The following PHF24 variants were observed in gnomAD, a reference collection of about 807,000 sequenced individuals.
PHF24 encodes Galpha inhibitory interacting protein.
PHF24 carries 25 observed loss-of-function variants against 42.6 expected under a neutral mutation model. That is an observed-to-expected ratio of 0.59 (90% CI 0.43 to 0.82). The LOEUF is 0.82. PHF24 is among the 40% of genes least tolerant of loss of function. PHF24 has a pLI of 0.00. For synonymous variants in PHF24, 185 were observed against 204.8 expected (o/e 0.90, Z 0.83); for missense variants, 470 against 538.1 (o/e 0.87, Z 1.25).
the PHF24 span, among the ~76,000 whole-genome samples, chr9:34,698,098 C>T: frequency 3.3e-5 from 5 of 152,164 alleles, no homozygotes; most frequent in South Asian, 2.1e-4. Flanking sequence ...TCTACTCGAC[C>T]CATACAAGTG....
At chr9:34,706,831 C>T in the PHF24 span, among the ~76,000 whole-genome samples, 48 of 152,094 alleles carry the variant, frequency 3.2e-4, 1 homozygote, top group African/African-American at 1.1e-3. Flanking sequence ...AAATGTCTTA[C>T]ACCAGGGGAA....
chr9:34,975,680 C>A (rs1827159649), intron 3 of PHF24, among the ~76,000 whole-genome samples: 1 of 151,828 alleles, frequency 6.6e-6, no homozygotes, highest in Non-Finnish European at 1.5e-5. Flanking sequence ...CCACTTGGAG[C>A]AGAGCTAGGA....
the PHF24 span, chr9:34,708,987 ACACATGGG>A: frequency 7.0e-4 from 134 of 192,402 alleles, no homozygotes; most frequent in Middle Eastern, 1.9e-3. Flanking sequence ...GTGGACATAA[ACACATGGG>A]AACAGGTACT....
the PHF24 span, chr9:34,836,936 G>T: frequency 3.0e-6 from 1 of 332,634 alleles, no homozygotes; most frequent in Middle Eastern, 4.2e-4. Flanking sequence ...CTCTCAACTA[G>T]TGAACCAGCC....
At chr9:34,893,065 C>A in the PHF24 span, 2 of 972,994 alleles carry the variant, frequency 2.1e-6, no homozygotes, top group Non-Finnish European at 1.5e-6. Flanking sequence ...ATTGCTTAAT[C>A]TCCAGAGCCA....
chr9:34,778,773 G>A, the PHF24 span, among the ~76,000 whole-genome samples: 1 of 152,060 alleles, frequency 6.6e-6, no homozygotes, highest in African/African-American at 2.4e-5. Flanking sequence ...AGACCTAAGA[G>A]ACATCTATAG....
chr9:34,836,400 G>A, the PHF24 span, among the ~76,000 whole-genome samples: 1 of 152,174 alleles, frequency 6.6e-6, no homozygotes, highest in Non-Finnish European at 1.5e-5. Flanking sequence ...GGCATAACCA[G>A]GAATATCACA....
intron 1 of PHF24, among the ~76,000 whole-genome samples, chr9:34,964,142 T>C (rs1036656669): frequency 2.0e-5 from 3 of 152,216 alleles, no homozygotes; most frequent in Non-Finnish European, 4.4e-5. Flanking sequence ...GCTCAACCTA[T>C]TCTCTTTGGT....
chr9:34,915,113 G>C, the PHF24 span, among the ~76,000 whole-genome samples: 1 of 137,828 alleles, frequency 7.3e-6, no homozygotes, highest in Non-Finnish European at 1.5e-5. Context: ...GCTCACTGCA[G>C]CCTCGACCTC....
At chr9:34,967,999 C>T (rs1022972060) in intron 1 of PHF24, among the ~76,000 whole-genome samples, 12 of 152,110 alleles carry the variant, frequency 7.9e-5, no homozygotes, top group African/African-American at 2.9e-4. Context: ...AAGTTGCCAA[C>T]CCTAGGATTT....
exon 5 of PHF24, chr9:34,976,640 G>T (rs754382537): frequency 1.2e-6 from 2 of 1,614,180 alleles, no homozygotes; most frequent in East Asian, 4.5e-5. Flanking sequence ...CAGGCGGCCC[G>T]CCAGTTTGCT....
chr9:34,814,650 T>A, the PHF24 span, among the ~76,000 whole-genome samples: 1 of 152,212 alleles, frequency 6.6e-6, no homozygotes, highest in Non-Finnish European at 1.5e-5. Context: ...AAGTCCTTTA[T>A]CTCTGACTTG....
chr9:34,786,824 AC>A, the PHF24 span, among the ~76,000 whole-genome samples: 1 of 152,194 alleles, frequency 6.6e-6, no homozygotes, highest in African/African-American at 2.4e-5. Context: ...TCAGGGGATA[AC>A]CCGGTTGACT....
chr9:34,912,574 C>T, the PHF24 span, among the ~76,000 whole-genome samples: 1 of 152,182 alleles, frequency 6.6e-6, no homozygotes, highest in Non-Finnish European at 1.5e-5. Flanking sequence ...TAGCCCATCA[C>T]CTATGTCCCA....
chr9:34,851,103 G>C, the PHF24 span, among the ~76,000 whole-genome samples: 15 of 152,046 alleles, frequency 9.9e-5, no homozygotes, highest in African/African-American at 3.4e-4. Flanking sequence ...CCAGCTGCAT[G>C]CTAGGAGAAC....
intron 1 of PHF24, among the ~76,000 whole-genome samples, chr9:34,963,501 T>C (rs1356244806): frequency 6.6e-6 from 1 of 152,130 alleles, no homozygotes; most frequent in East Asian, 1.9e-4. Context: ...ATTTTTCACT[T>C]GTATGTGCAG....
At chr9:34,900,920 TTC>T in the PHF24 span, among the ~76,000 whole-genome samples, 1 of 152,172 alleles carries the variant, frequency 6.6e-6, no homozygotes, top group Non-Finnish European at 1.5e-5. Flanking sequence ...AGAGAATAAA[TTC>T]TCTCTTTATA....
chr9:34,710,903 T>C, the PHF24 span, among the ~76,000 whole-genome samples: 1 of 152,216 alleles, frequency 6.6e-6, no homozygotes, highest in Non-Finnish European at 1.5e-5. Flanking sequence ...ATTATAGGTA[T>C]GAGCGACTGC....
At chr9:34,850,372 C>G in the PHF24 span, among the ~76,000 whole-genome samples, 3 of 152,132 alleles carry the variant, frequency 2.0e-5, no homozygotes, top group African/African-American at 4.8e-5. Flanking sequence ...TCACTGATAC[C>G]CTTTCTTCCA....
Sources: allele counts gnomAD v4.1 joint callset (sites outside exome capture counted in the v4.1 genomes callset), GRCh38; gene constraint gnomAD v4.1.1; transcripts MANE v1.5; gene names NCBI Gene and HGNC (gene_info 2026-07-23, HGNC 2026-07-21).